The following MYH11 variants were observed in gnomAD, a reference collection of about 807,000 sequenced individuals.
MYH11 encodes myosin-11.
In MYH11, 80 loss-of-function variants were observed where a neutral mutation model predicts 246.6. The ratio of observed to expected loss-of-function variants is 0.32; its 90% CI spans 0.27 to 0.39. The LOEUF is 0.39. Ranked by LOEUF, MYH11 falls within the 10% of genes least tolerant of loss-of-function variation. The pLI is 1.00. For synonymous variants in MYH11, 1,071 were observed against 1,015.5 expected (o/e 1.05, Z -1.04); for missense variants, 2,158 against 2,546.8 (o/e 0.85, Z 3.29).
chr16:15,703,507 G>A lies in MYH11; in HGVS notation c.*484C>T, dbSNP rs2039294771. On this transcript the variant is annotated 3_prime_UTR_variant, in exon 41 of 41. Coordinates refer to ENST00000300036, the MANE Select transcript of MYH11 (RefSeq NM_002474.3). ...CAATCCATTGATAGAACTGGAGGAT[G>A]TGTCTGTGTTTCCTGTTGGGTTTTT... The A allele has an allele frequency of 3.5e-6, 1 of 288,680 alleles. No homozygotes were observed. The allele number at this position is 288,680 out of a possible 1,614,324, so 17.9% of individuals were successfully genotyped here.
At chr16:15,828,693 C>T (rs921702123) in intron 2 of MYH11, among the ~76,000 whole-genome samples, 3 of 149,304 alleles carry the variant, frequency 2.0e-5, no homozygotes, top group East Asian at 2.0e-4. Flanking sequence ...GTCGGGAGGC[C>T]GAGGTAGGAG....
At chr16:15,810,107 C>T (rs909336343) in intron 3 of MYH11, among the ~76,000 whole-genome samples, 1 of 151,752 alleles carries the variant, frequency 6.6e-6, no homozygotes, top group Non-Finnish European at 1.5e-5. Flanking sequence ...AATCTCGGCT[C>T]ACTGCAACCT....
chr16:15,823,816 T>C (rs940412507), intron 2 of MYH11, among the ~76,000 whole-genome samples: 5 of 152,042 alleles, frequency 3.3e-5, no homozygotes, highest in African/African-American at 1.2e-4. Flanking sequence ...TGTAGAGACA[T>C]GGGTTTCACT....
chr16:15,806,705 G>A (rs2043021759), intron 3 of MYH11, among the ~76,000 whole-genome samples: 1 of 151,906 alleles, frequency 6.6e-6, no homozygotes, highest in Non-Finnish European at 1.5e-5. Flanking sequence ...AGCTCTATTA[G>A]GTTTCCAACA....
intron 1 of MYH11, among the ~76,000 whole-genome samples, chr16:15,856,666 T>C (rs1265702945): frequency 2.0e-5 from 3 of 151,744 alleles, no homozygotes; most frequent in Admixed American, 6.6e-5. Flanking sequence ...AGTTGGGAAA[T>C]GGAGTTGGGT....
rs77529526 is a variant in MYH11, at chr16:15,704,608, G to T, written c.5787-485C>A. On this transcript the variant is annotated intron_variant, in intron 40 of 40. Coordinates refer to ENST00000300036, the MANE Select transcript of MYH11 (RefSeq NM_002474.3). ...ATTCGCCTTAGAGGTGAGTTTTCAA[G>T]ATTTGAATTGGAAGAAGGTGAAATG... is the stretch of plus-strand genomic sequence containing the variant. 1.6e-3 allele frequency among the ~76,000 whole-genome samples: 237 copies of T among 152,320 alleles called. 2 individuals carry two copies. The East Asian group carries it at 0.029, about 19-fold the overall frequency.
At chr16:15,705,537 G>A (rs2039402268) in intron 40 of MYH11, among the ~76,000 whole-genome samples, 1 of 152,168 alleles carries the variant, frequency 6.6e-6, no homozygotes, top group Admixed American at 6.5e-5. Flanking sequence ...AATTATGTTG[G>A]GCTCTGGCCA....
rs142986414 is a variant in MYH11 at position 15,718,855 on chromosome 16, C to T, written c.5171+365G>A. Reference sequence around the variant, plus strand: ...TGAAATGGGGGTCCAGGGCCAGGCACGGTGGCTCACACCTGTAATCACAGC... The same window carrying T: ...TGAAATGGGGGTCCAGGGCCAGGCATGGTGGCTCACACCTGTAATCACAGC... On this transcript the variant is annotated intron_variant, in intron 36 of 40. Transcript: ENST00000300036. 51 of 405,516 alleles carry T rather than the reference C, an allele frequency of 1.3e-4. 1 individual carries two copies. In the East Asian group the frequency reaches 2.5e-3, roughly 20 times the overall value. 25.1% of individuals were successfully genotyped at this position (405,516 alleles called of 1,614,324 possible).
chr16:15,724,083 C>A lies in MYH11; in HGVS notation c.4365+78G>T. 3.1e-6 allele frequency: 5 copies of A among 1,602,472 alleles called. No individual in the cohort carries two copies. In the South Asian group the frequency reaches 5.5e-5, roughly 18 times the overall value. On this transcript the variant is annotated intron_variant, in intron 31 of 40. Transcript: ENST00000300036. ...GAGGGGATGCAGGCACAGGCCAGAG[C>A]CACGCGTCATACTCTGCAGAGCTGA...
intron 13 of MYH11, among the ~76,000 whole-genome samples, chr16:15,757,303 T>A (rs1466616786): frequency 6.7e-6 from 1 of 150,310 alleles, no homozygotes; most frequent in African/African-American, 2.4e-5. Context: ...ACCACAGGCG[T>A]GCACCACCAG....
At position 15,717,217 on chromosome 16, in the gene MYH11, C is replaced by G. The variant is rs886051738; in HGVS notation, c.5427G>C (p.Lys1809Asn). 1 of 1,614,220 alleles carries G rather than the reference C, an allele frequency of 6.2e-7. No homozygotes were observed. The highest frequency in any genetic ancestry group is 8.5e-7 in the Non-Finnish European group (1 of 1,180,044). ...SKLHEMEGAV[K>N]SKFKSTIAAL... ...CCGCGATGGTGGACTTGAACTTGGA[C>G]TTGACGGCCCCCTCCATCTCGTGGA... Residue 1809 changes from lysine to asparagine, a missense_variant, in exon 38 of 41, where the codon AAG becomes AAC. Physicochemically the swap from Lys to Asn is moderately conservative, Grantham distance 94. Coordinates refer to ENST00000300036, the MANE Select transcript of MYH11 (RefSeq NM_002474.3).
rs139096254 is a variant in MYH11, at chr16:15,724,990, A to G, written c.3861T>C (p.Asn1287=). The change falls in exon 29 of 41, where the codon AAT becomes AAC. Residue 1287 remains asparagine (N), a splice_region_variant and synonymous_variant. Coordinates refer to ENST00000300036, the MANE Select transcript of MYH11 (RefSeq NM_002474.3). ...GCATCCCTGTGACGCTCTCAACTTC[A>G]TTCTAAGGGTGCCAAGAGACTGGTT... The part of the protein sequence containing the change: ...ELNDKVHKLQ[N]EVESVTGMLN... 3 of 1,613,764 alleles carry G rather than the reference A, an allele frequency of 1.9e-6. No homozygotes were observed. The highest frequency in any genetic ancestry group is 2.5e-6 in the Non-Finnish European group (3 of 1,179,894).
chr16:15,798,608 T>TAAAAAAAAAAAAAAAAAA lies in MYH11; in HGVS notation c.530+51_530+52insTTTTTTTTTTTTTTTTTT, dbSNP rs374559754. Reference sequence around the variant, plus strand: ...CATAGGTTGGATCTCGACTACAGATTAAAAAAAAAAAAAAACAAAAAAAAA... The same window carrying TAAAAAAAAAAAAAAAAAA: ...CATAGGTTGGATCTCGACTACAGATTAAAAAAAAAAAAAAAAAAAAAAAAAAAAAAAAACAAAAAAAAA... On this transcript the variant is annotated intron_variant, in intron 4 of 40. Transcript: ENST00000300036. 1.9e-5 allele frequency: 20 copies of TAAAAAAAAAAAAAAAAAA among 1,037,342 alleles called. 1 individual carries two copies. Among genetic ancestry groups the TAAAAAAAAAAAAAAAAAA allele is most frequent in the African/African-American group, 1.4e-4 (4 of 28,590 alleles). The allele number at this position is 1,037,342 out of a possible 1,614,324, so 64.3% of individuals were successfully genotyped here.
intron 1 of MYH11, among the ~76,000 whole-genome samples, chr16:15,849,851 ACT>A (rs1423699077): frequency 1.3e-5 from 2 of 152,020 alleles, no homozygotes; most frequent in Non-Finnish European, 1.5e-5. Context: ...CTGCTGGGTG[ACT>A]CTGGACAAGT....
In MYH11 at chr16:15,807,188, T is replaced by C. The variant is rs569826191; in HGVS notation, c.503-8501A>G. 3.3e-5 allele frequency among the ~76,000 whole-genome samples: 5 copies of C among 152,190 alleles called. No individual in the cohort carries two copies. In the South Asian group the frequency reaches 1.0e-3, roughly 32 times the overall value. On this transcript the variant is annotated intron_variant, in intron 3 of 40. Coordinates refer to ENST00000300036, the MANE Select transcript of MYH11 (RefSeq NM_002474.3). ...AGAGACAGGGCCTAGTAAGGTAACT[T>C]AGTAATATTACCCAGGCTGGTCCCA...
Position 15,837,956 on chromosome 16 carries a change from G to A in MYH11, c.297C>T (p.Ala99=). Residue 99 remains alanine, a synonymous_variant, in exon 2 of 41, where the codon GCC becomes GCT. Coordinates refer to ENST00000300036, the MANE Select transcript of MYH11 (RefSeq NM_002474.3). Reference sequence around the variant, plus strand: ...GCTCCCTCAGGTTGTGTAGCACGGAGGCTTCGTTGAGGCACGTCAGCTCCG... The same window carrying A: ...GCTCCCTCAGGTTGTGTAGCACGGAAGCTTCGTTGAGGCACGTCAGCTCCG... ...DMAELTCLNE[A]SVLHNLRERY... is the part of the protein sequence containing the mutation. The A allele has an allele frequency of 6.2e-7, 1 of 1,614,138 alleles. No homozygotes were observed. Among genetic ancestry groups the A allele is most frequent in the Non-Finnish European group, 8.5e-7 (1 of 1,180,026 alleles).
At chr16:15,800,833 C>T (rs1684763706) in intron 3 of MYH11, among the ~76,000 whole-genome samples, 2 of 152,028 alleles carry the variant, frequency 1.3e-5, no homozygotes, top group Admixed American at 6.6e-5. Context: ...CCTGGTTGAA[C>T]GAAATCCTCA....
intron 1 of MYH11, among the ~76,000 whole-genome samples, chr16:15,845,813 C>T (rs903051339): frequency 6.6e-6 from 1 of 151,808 alleles, no homozygotes; most frequent in Non-Finnish European, 1.5e-5. Context: ...ACAAGTAGGC[C>T]GAGTGTGATG....
At chr16:15,741,734 C>T (rs377078331) in intron 21 of MYH11, 26 bp downstream of exon 21, 27 of 1,614,042 alleles carry the variant, frequency 1.7e-5, no homozygotes, top group African/African-American at 2.7e-5. Flanking sequence ...TCCCCAGCAA[C>T]CCCAGCCATG....
Sources: gnomAD v4.1 joint callset for allele counts (sites outside exome capture counted in the v4.1 genomes callset) on GRCh38, gnomAD v4.1.1 for gene constraint, MANE v1.5 for transcripts, NCBI Gene and HGNC (gene_info 2026-07-23, HGNC 2026-07-21) for gene names.